The following RABGAP1L variants were observed in gnomAD, a reference collection of about 807,000 sequenced individuals.
RABGAP1L encodes the protein rab GTPase-activating protein 1-like.
A neutral mutation model predicts 137.7 loss-of-function variants in RABGAP1L; 63 were observed. The ratio of observed to expected loss-of-function variants is 0.46; its 90% CI spans 0.37 to 0.56. The LOEUF is 0.56. Ranked by LOEUF, RABGAP1L falls within the 20% of genes least tolerant of loss-of-function variation. The pLI, the probability that RABGAP1L is intolerant of heterozygous loss-of-function variation, is 0.00. For synonymous variants in RABGAP1L, 431 were observed against 433.7 expected (o/e 0.99, Z 0.08); for missense variants, 1,095 against 1,244.0 (o/e 0.88, Z 1.80).
intron 13 of RABGAP1L, among the ~76,000 whole-genome samples, chr1:174,401,886 T>C (rs950901632): frequency 1.3e-5 from 2 of 152,148 alleles, no homozygotes; most frequent in East Asian, 1.9e-4. Context: ...AGTATGTGTT[T>C]AGGCTGAGGC....
intron 13 of RABGAP1L, among the ~76,000 whole-genome samples, chr1:174,540,506 A>G (rs898707761): frequency 2.0e-5 from 3 of 152,166 alleles, no homozygotes; most frequent in Non-Finnish European, 4.4e-5. Flanking sequence ...TCAGCTTTCT[A>G]CGTATGGCTA....
intron 14 of RABGAP1L, among the ~76,000 whole-genome samples, chr1:174,658,809 A>G (rs1676158555): frequency 6.6e-6 from 1 of 152,136 alleles, no homozygotes; most frequent in Non-Finnish European, 1.5e-5. Flanking sequence ...GATGAATTTT[A>G]TTACCCTTTC....
At chr1:174,632,377 T>G (rs1428692273) in intron 13 of RABGAP1L, among the ~76,000 whole-genome samples, 2 of 146,914 alleles carry the variant, frequency 1.4e-5, no homozygotes, top group Admixed American at 6.7e-5. Context: ...TGTCTTGGAG[T>G]TGCTCTTCTC....
chr1:174,977,850 C>T (rs1464102781), intron 22 of RABGAP1L, among the ~76,000 whole-genome samples: 2 of 135,020 alleles, frequency 1.5e-5, no homozygotes, highest in Non-Finnish European at 3.3e-5. Context: ...TATAACTTAC[C>T]AATTGCTTTT....
In RABGAP1L at chr1:174,761,622, C is replaced by T. The variant is rs188269360; in HGVS notation, c.2211+9268C>T. On this transcript the variant is annotated intron_variant, in intron 18 of 25. Transcript: ENST00000681986. This position sits in a 1 kb window ranked among gnomAD's most constrained non-coding sequence, Gnocchi z 4.0. ...CGCCAGGCAGAGGCACTCCTCACTT[C>T]CCAGACGGAGACAGTGTGGGGGCCG... is the stretch of plus-strand genomic sequence containing the variant. Among the ~76,000 whole-genome samples, 1,557 of 152,302 alleles carry T rather than the reference C, an allele frequency of 0.01. 15 individuals carry two copies. The highest frequency in any genetic ancestry group is 0.017 in the Middle Eastern group (5 of 294).
chr1:174,641,526 C>G (rs556874343), intron 14 of RABGAP1L, among the ~76,000 whole-genome samples: 1 of 152,164 alleles, frequency 6.6e-6, no homozygotes, highest in East Asian at 1.9e-4. Context: ...TCTTTCTCTC[C>G]CTGTCTTTCC....
At chr1:174,162,777 GTTTTTTTTTTTTT>G (rs67811794) in intron 1 of RABGAP1L, among the ~76,000 whole-genome samples, 2 of 51,554 alleles carry the variant, frequency 3.9e-5, no homozygotes, top group South Asian at 1.0e-3. Flanking sequence ...TTCTCTTTCT[GTTTTTTTTTTTTT>G]TTTTTTTTTT....
chr1:174,293,496 C>A (rs1676822401), intron 10 of RABGAP1L, among the ~76,000 whole-genome samples: 1 of 152,160 alleles, frequency 6.6e-6, no homozygotes, highest in South Asian at 2.1e-4. Context: ...TAAAGCTTTA[C>A]TGGTTGTTAA....
Position 174,994,760 on chromosome 1 carries a change from C to T in RABGAP1L, c.*4759C>T, listed in dbSNP as rs929309083. 1.3e-5 allele frequency: 2 copies of T among 152,182 alleles called. No homozygotes were observed. The highest frequency in any genetic ancestry group is 4.8e-5 in the African/African-American group (2 of 41,444). 9.4% of individuals were successfully genotyped at this position (152,182 alleles called of 1,614,324 possible). A position where few individuals can be genotyped will look rare whatever the true frequency, so the allele number is the denominator to read the frequency against. On this transcript the variant is annotated 3_prime_UTR_variant, in exon 26 of 26. Transcript: ENST00000681986. ...TGGTATTTTGCATAATGCATGGATC[C>T]TTAGTTCAAATGAGGGACAAAGTTT...
Position 174,676,368 on chromosome 1 carries a change from AATGT to A in RABGAP1L, c.1825-7153_1825-7150del, listed in dbSNP as rs1677628440. Among the ~76,000 whole-genome samples the A allele has an allele frequency of 2.0e-5, 3 of 152,118 alleles. No individual in the cohort carries two copies. The South Asian group carries it at 6.2e-4, about 32-fold the overall frequency. On this transcript the variant is annotated intron_variant, in intron 14 of 25. Transcript: ENST00000681986. ...TTTGAGAGGCTTCTCCTGGTAGTAA[AATGT>A]CAGATGAAACTGTTACTGTAGAATT...
intron 13 of RABGAP1L, among the ~76,000 whole-genome samples, chr1:174,608,917 G>T (rs1237365772): frequency 1.3e-5 from 2 of 151,982 alleles, no homozygotes; most frequent in African/African-American, 4.8e-5. Flanking sequence ...CCAAACAATG[G>T]TTAGTTTGTC....
chr1:174,507,956 A>G (rs1420972157), intron 13 of RABGAP1L, among the ~76,000 whole-genome samples: 1 of 152,156 alleles, frequency 6.6e-6, no homozygotes. Flanking sequence ...GGTGCCCAGT[A>G]AAGGCATGCT....
At chr1:174,935,909 A>G (rs1283513772) in intron 19 of RABGAP1L, among the ~76,000 whole-genome samples, 1 of 148,392 alleles carries the variant, frequency 6.7e-6, no homozygotes, top group Non-Finnish European at 1.5e-5. Context: ...TGAACCTGGA[A>G]GGCAGAGGAG....
chr1:174,480,542 T>C (rs1158123873), intron 13 of RABGAP1L, among the ~76,000 whole-genome samples: 1 of 152,228 alleles, frequency 6.6e-6, no homozygotes, highest in Non-Finnish European at 1.5e-5. Context: ...CCTTTTCTGC[T>C]CCTCCGCCTT....
intron 13 of RABGAP1L, among the ~76,000 whole-genome samples, chr1:174,420,763 C>T (rs142953329): frequency 0.034 from 5,189 of 151,730 alleles, 119 homozygotes; most frequent in Middle Eastern, 0.078. Flanking sequence ...CAAGCTCCAC[C>T]TCCTGGGTTC....
chr1:174,248,754 G>C (rs534453751), intron 5 of RABGAP1L, among the ~76,000 whole-genome samples: 3 of 152,262 alleles, frequency 2.0e-5, no homozygotes, highest in East Asian at 3.9e-4. Flanking sequence ...CTGTTATAGG[G>C]AGTATTCCTG....
chr1:174,733,722 T>A (rs1221769810), intron 17 of RABGAP1L, among the ~76,000 whole-genome samples: 1 of 152,086 alleles, frequency 6.6e-6, no homozygotes, highest in Non-Finnish European at 1.5e-5. Flanking sequence ...AATATCTAAG[T>A]GGGGAAGAAA....
intron 4 of RABGAP1L, among the ~76,000 whole-genome samples, chr1:174,233,728 G>A (rs1237017359): frequency 2.2e-5 from 3 of 133,870 alleles, no homozygotes; most frequent in African/African-American, 3.7e-5. Context: ...ATAAACATAC[G>A]TGTGCATGTG....
intron 17 of RABGAP1L, among the ~76,000 whole-genome samples, chr1:174,746,026 T>G (rs1683834959): frequency 6.6e-6 from 1 of 152,236 alleles, no homozygotes; most frequent in Admixed American, 6.5e-5. Flanking sequence ...TGACACTACC[T>G]TTTCAGCATT....
Sources: allele counts gnomAD v4.1 joint callset (sites outside exome capture counted in the v4.1 genomes callset), GRCh38; gene constraint gnomAD v4.1.1; non-coding constraint Gnocchi (gnomAD v3.1); transcripts MANE v1.5; gene names NCBI Gene and HGNC (gene_info 2026-07-23, HGNC 2026-07-21).